The following CAMTA1 variants were observed in gnomAD, a reference collection of about 807,000 sequenced individuals.
CAMTA1 encodes calmodulin binding transcription activator 1.
A neutral mutation model predicts 170.9 loss-of-function variants in CAMTA1; 27 were observed. The observed-to-expected ratio is 0.16, with a 90% CI of 0.12 to 0.22. The LOEUF (loss-of-function observed/expected upper bound fraction) is 0.22. Ranked by LOEUF, CAMTA1 falls within the 10% of genes least tolerant of loss-of-function variation. The probability of loss-of-function intolerance (pLI) is 1.00; values close to 1 mark genes in which losing one functional copy is unlikely to be tolerated. For synonymous variants in CAMTA1, 833 were observed against 891.5 expected, an observed-to-expected ratio of 0.93 and a Z score of 1.17; for missense variants, 1,619 against 2,217.2, an observed-to-expected ratio of 0.73 and a Z score of 5.42.
intron 5 of CAMTA1, among the ~76,000 whole-genome samples, chr1:7,310,609 T>TTCG (rs1676338907): frequency 1.9e-4 from 1 of 5,232 alleles, no homozygotes; most frequent in South Asian, 4.4e-3. Flanking sequence ...CTTTTCTTTC[T>TTCG]TTCTTTCTTT....
At chr1:7,449,647 G>A (rs1377651271) in intron 5 of CAMTA1, among the ~76,000 whole-genome samples, 1 of 151,812 alleles carries the variant, frequency 6.6e-6, no homozygotes, top group African/African-American at 2.4e-5. Context: ...GTGCATGTCT[G>A]TAATCCCAGC....
At chr1:7,705,161 A>G (rs1426899910) in intron 11 of CAMTA1, among the ~76,000 whole-genome samples, 1 of 147,940 alleles carries the variant, frequency 6.8e-6, no homozygotes, top group Non-Finnish European at 1.5e-5. Context: ...AAGTGTGGGG[A>G]TCCGGCGGGC....
At chr1:7,536,435 T>C (rs972955502) in intron 6 of CAMTA1, among the ~76,000 whole-genome samples, 1 of 152,130 alleles carries the variant, frequency 6.6e-6, no homozygotes, top group African/African-American at 2.4e-5. Context: ...TGCCCTTTGC[T>C]GTGGGTTCGG....
intron 5 of CAMTA1, among the ~76,000 whole-genome samples, chr1:7,399,785 T>C (rs1041910862): frequency 6.6e-6 from 1 of 152,240 alleles, no homozygotes; most frequent in Non-Finnish European, 1.5e-5. Context: ...TCCAGCACTT[T>C]GAATATATTA....
chr1:7,745,528 A>G (rs35925924), intron 17 of CAMTA1, among the ~76,000 whole-genome samples: 24,974 of 152,194 alleles, frequency 0.16, 2,446 homozygotes, highest in Non-Finnish European at 0.22. Flanking sequence ...TCTGTCTCAA[A>G]AAAAAGAAAA....
chr1:6,984,186 G>A (rs930588837), intron 3 of CAMTA1, among the ~76,000 whole-genome samples: 22 of 138,184 alleles, frequency 1.6e-4, no homozygotes, highest in Admixed American at 1.6e-3. Context: ...GTAGGTGAGT[G>A]GATAGAGGGA....
chr1:7,758,934 C>CAA (rs34490247), intron 22 of CAMTA1, among the ~76,000 whole-genome samples: 41 of 78,980 alleles, frequency 5.2e-4, no homozygotes, highest in Admixed American at 2.7e-3. Context: ...GACTCTGTCT[C>CAA]AAAAAAAAAA....
intron 11 of CAMTA1, among the ~76,000 whole-genome samples, chr1:7,706,886 C>CTT (rs139511207): frequency 0.022 from 2,881 of 132,124 alleles, 119 homozygotes; most frequent in African/African-American, 0.037. Flanking sequence ...TCAGGCTATT[C>CTT]TTTTTTTTTT....
Position 7,302,851 on chromosome 1 carries a change from G to A in CAMTA1, c.438+53225G>A, listed in dbSNP as rs570027480. Among the ~76,000 whole-genome samples, 6 of 152,316 alleles carry A rather than the reference G, an allele frequency of 3.9e-5. No homozygotes were observed. The South Asian group carries it at 1.0e-3, about 26-fold the overall frequency. ...CACCCACCATGTTTCAGACCTGTGC[G>A]AGGCTGGCAATCTGCAGCAGAATTA... On this transcript the variant is annotated intron_variant, in intron 5 of 22. Coordinates refer to ENST00000303635, the MANE Select transcript of CAMTA1 (RefSeq NM_015215.4).
At chr1:7,697,431 C>T (rs1028409992) in intron 11 of CAMTA1, among the ~76,000 whole-genome samples, 2 of 152,212 alleles carry the variant, frequency 1.3e-5, no homozygotes, top group Non-Finnish European at 2.9e-5. Context: ...GGCCATCTGA[C>T]ATTGCAGCCC....
At chr1:6,842,582 C>T (rs1656281915) in intron 3 of CAMTA1, among the ~76,000 whole-genome samples, 1 of 152,222 alleles carries the variant, frequency 6.6e-6, no homozygotes, top group Non-Finnish European at 1.5e-5. Context: ...CTGTTGACTG[C>T]TTTCAAAAGA....
intron 5 of CAMTA1, among the ~76,000 whole-genome samples, chr1:7,271,046 G>T (rs1669715854): frequency 6.6e-6 from 1 of 152,150 alleles, no homozygotes; most frequent in African/African-American, 2.4e-5. Flanking sequence ...CTGGATGTTT[G>T]CATATCCCCC....
At position 7,685,583 on chromosome 1, in the gene CAMTA1, A is replaced by G. The variant is rs2096251390; in HGVS notation, c.2914+7850A>G. ...CCTCCCACTCCCCTGCTTGCTCCTC[A>G]GTCTCCAAGCTTCTCCTTCCAAAAT... On this transcript the variant is annotated intron_variant, in intron 11 of 22. Coordinates refer to ENST00000303635, the MANE Select transcript of CAMTA1 (RefSeq NM_015215.4). This position sits in a 1 kb window ranked among gnomAD's most constrained non-coding sequence, Gnocchi z 5.7. Among the ~76,000 whole-genome samples, 1 of 152,050 alleles carries G rather than the reference A, an allele frequency of 6.6e-6. No homozygotes were observed. Among genetic ancestry groups the G allele is most frequent in the Non-Finnish European group, 1.5e-5 (1 of 68,010 alleles).
intron 5 of CAMTA1, among the ~76,000 whole-genome samples, chr1:7,284,177 C>CTTCTTCTTATTATTA (rs1333698169): frequency 7.0e-5 from 7 of 99,314 alleles, no homozygotes; most frequent in Non-Finnish European, 1.4e-4. Context: ...TCTTCTTCTT[C>CTTCTTCTTATTATTA]TTATTATTAT....
chr1:6,969,534 A>G (rs1247022710), intron 3 of CAMTA1, among the ~76,000 whole-genome samples: 1 of 152,208 alleles, frequency 6.6e-6, no homozygotes, highest in African/African-American at 2.4e-5. Flanking sequence ...GGTGGTGCCC[A>G]GTGAGATGAG....
intron 3 of CAMTA1, among the ~76,000 whole-genome samples, chr1:7,090,082 G>T (rs1347477147): frequency 2.0e-5 from 3 of 152,158 alleles, no homozygotes; most frequent in African/African-American, 4.8e-5. Flanking sequence ...GGTGGCTTGG[G>T]CTCTCAGTTC....
intron 3 of CAMTA1, among the ~76,000 whole-genome samples, chr1:6,904,180 A>G (rs1677753502): frequency 6.6e-6 from 1 of 152,068 alleles, no homozygotes; most frequent in Non-Finnish European, 1.5e-5. Flanking sequence ...ATTCCATTCA[A>G]TAGGCACTTC....
intron 3 of CAMTA1, among the ~76,000 whole-genome samples, chr1:6,830,103 C>T (rs1649180540): frequency 6.6e-6 from 1 of 151,312 alleles, no homozygotes; most frequent in African/African-American, 2.4e-5. Flanking sequence ...GTGGCGCGAT[C>T]TCCGCTCACT....
rs1347427713 is a variant in CAMTA1 at position 7,250,953 on chromosome 1, G to C, written c.438+1327G>C. 2.0e-5 allele frequency among the ~76,000 whole-genome samples: 3 copies of C among 152,312 alleles called. No individual in the cohort carries two copies. In the South Asian group the frequency reaches 6.2e-4, roughly 32 times the overall value. ...TCGTACAAAGGCATTAGCCATCATC[G>C]CAGGGAGCCAAAGGAGGGAGGGCTT... is the stretch of plus-strand genomic sequence containing the variant. On this transcript the variant is annotated intron_variant, in intron 5 of 22. Coordinates refer to ENST00000303635, the MANE Select transcript of CAMTA1 (RefSeq NM_015215.4).
Sources: gnomAD v4.1 joint callset for allele counts (sites outside exome capture counted in the v4.1 genomes callset) on GRCh38, gnomAD v4.1.1 for gene constraint, Gnocchi (gnomAD v3.1) non-coding constraint, MANE v1.5 for transcripts, NCBI Gene and HGNC (gene_info 2026-07-23, HGNC 2026-07-21) for gene names.